Variants in CCDC33 observed in about 807,000 individuals in gnomAD.
The protein encoded by CCDC33 is coiled-coil domain containing 33.
Under a neutral mutation model 91.9 loss-of-function variants are expected in CCDC33, and 94 were observed. The observed-to-expected ratio is 1.02, with a 90% confidence interval of 0.87 to 1.21. The LOEUF is 1.21. Among genes scored for constraint, CCDC33 ranks in the 50% most tolerant of loss-of-function variants. The pLI, the probability that CCDC33 is intolerant of heterozygous loss-of-function variation, is 0.00. For synonymous variants in CCDC33, 396 were observed against 374.5 expected, an observed-to-expected ratio of 1.06 and a Z score of -0.66; for missense variants, 940 against 935.5, an observed-to-expected ratio of 1.00 and a Z score of -0.06.
At chr15:74,210,339 G>T (rs2074349487) in intron 2 of CCDC33, among the ~76,000 whole-genome samples, 1 of 152,204 alleles carries the variant, frequency 6.6e-6, no homozygotes, top group African/African-American at 2.4e-5. Context: ...GTACTATTTT[G>T]CTGATAAAAA....
At chr15:74,305,282 T>C (rs1426575891) in intron 11 of CCDC33, among the ~76,000 whole-genome samples, 1 of 152,156 alleles carries the variant, frequency 6.6e-6, no homozygotes, top group Non-Finnish European at 1.5e-5. Context: ...AGCTTAAATC[T>C]ACACTTCTAA....
rs3223095 is a variant in CCDC33, at chr15:74,283,794, T to TCACA, written c.1095+1967_1095+1970dup. Reference sequence around the variant, plus strand: ...AAATTCAGATTCTGCAGCCAAGAATTCACACACACACACACACACACACAC... The same window carrying TCACA: ...AAATTCAGATTCTGCAGCCAAGAATTCACACACACACACACACACACACACACAC... On this transcript the variant is annotated intron_variant, in intron 10 of 18. Coordinates refer to ENST00000398814, the MANE Select transcript of CCDC33 (RefSeq NM_025055.5). Among the ~76,000 whole-genome samples the TCACA allele has an allele frequency of 2.4e-3, 348 of 146,314 alleles. 2 individuals carry two copies. The highest frequency in any genetic ancestry group is 6.9e-3 in the Middle Eastern group (2 of 288).
At chr15:74,225,115 GGCGTGT>G (rs1340850323) in intron 2 of CCDC33, among the ~76,000 whole-genome samples, 1 of 117,112 alleles carries the variant, frequency 8.5e-6, no homozygotes, top group African/African-American at 3.7e-5. Context: ...ACCTCCTGGA[GGCGTGT>G]GTGTGTGTGT....
chr15:74,285,317 C>T (rs2059451603), intron 10 of CCDC33, among the ~76,000 whole-genome samples: 1 of 152,208 alleles, frequency 6.6e-6, no homozygotes, highest in Non-Finnish European at 1.5e-5. Flanking sequence ...TCAGAGCTTT[C>T]AGAAGCAGCA....
At chr15:74,275,907 G>T (rs535116852) in intron 7 of CCDC33, among the ~76,000 whole-genome samples, 1 of 152,310 alleles carries the variant, frequency 6.6e-6, no homozygotes, top group South Asian at 2.1e-4. Flanking sequence ...GACCTCTGGC[G>T]ATACGCCCAC....
At position 74,309,639 on chromosome 15, in the gene CCDC33, A is replaced by G. The variant is rs368573639; in HGVS notation, c.1290+13691A>G. On this transcript the variant is annotated intron_variant, in intron 11 of 18. Transcript: ENST00000398814. ...TTTTTTCCTACAGTGGGGAGTGAAG[A>G]GTACAGTGTAGGAGAGTGCAGAGGG... is the stretch of plus-strand genomic sequence containing the variant. 2.6e-4 allele frequency among the ~76,000 whole-genome samples: 39 copies of G among 152,202 alleles called. 1 individual carries two copies. In the East Asian group the frequency reaches 3.1e-3, roughly 12 times the overall value.
chr15:74,333,483 G>A (rs1255427433), intron 16 of CCDC33, among the ~76,000 whole-genome samples: 6 of 152,186 alleles, frequency 3.9e-5, no homozygotes, highest in South Asian at 2.1e-4. Flanking sequence ...CCCAGGACTC[G>A]CCGGAGGTGA....
At position 74,280,666 on chromosome 15, in the gene CCDC33, A is replaced by G. The variant is rs1317393493; in HGVS notation, c.890-2A>G. On this transcript the variant is annotated splice_acceptor_variant, in intron 8 of 18. Coordinates refer to ENST00000398814, the MANE Select transcript of CCDC33 (RefSeq NM_025055.5). LOFTEE classifies it high-confidence loss of function. ...GAGCCCTAGTTGATCCTTCCCCCAC[A>G]GTGAAAGGCAGCCAGCCGTGGACCC... 6.8e-7 allele frequency: 1 copy of G among 1,473,982 alleles called. No homozygotes were observed. The highest frequency in any genetic ancestry group is 2.4e-5 in the Admixed American group (1 of 41,214). 91.3% of individuals were successfully genotyped at this position (1,473,982 alleles called of 1,614,324 possible).
In CCDC33 at chr15:74,331,022, C is replaced by A. The variant is rs201754891; in HGVS notation, c.1587C>A (p.Ala529=). Reference sequence around the variant, plus strand: ...AGGAGCTGCTCCTTCTGTATCAGGCCCAGCAGCCACAGGCCGCTCTGCTGA... The same window carrying A: ...AGGAGCTGCTCCTTCTGTATCAGGCACAGCAGCCACAGGCCGCTCTGCTGA... ...REKELLLLYQ[A]QQPQAALLKQ... is the part of the protein sequence containing the mutation. The change falls in exon 14 of 19, where the codon GCC becomes GCA. Residue 529 remains alanine (A), a synonymous_variant. Transcript: ENST00000398814. The A allele has an allele frequency of 8.0e-5, 129 of 1,610,362 alleles. 1 individual carries two copies. The East Asian group carries it at 2.7e-3, about 34-fold the overall frequency.
rs565173407 is a variant in CCDC33, at chr15:74,268,687, C to A, written c.546+229C>A. 1.7e-4 allele frequency among the ~76,000 whole-genome samples: 26 copies of A among 152,360 alleles called. No individual in the cohort carries two copies. The South Asian group carries it at 5.2e-3, about 30-fold the overall frequency. ...GAAGATGCTCAAGCCTCTTCTCCTT[C>A]CCTCTCTGTCTTGGAGGTGGCGGGG... On this transcript the variant is annotated intron_variant, in intron 5 of 18. Coordinates refer to ENST00000398814, the MANE Select transcript of CCDC33 (RefSeq NM_025055.5).
At chr15:74,233,279 A>G (rs2075042673), upstream of CCDC33, among the ~76,000 whole-genome samples, 1 of 152,138 alleles carries the variant, frequency 6.6e-6, no homozygotes, top group African/African-American at 2.4e-5. Context: ...CCCTCCTTTG[A>G]TTATTTTGAC....
chr15:74,243,934 G>C (rs1332685209), intron 1 of CCDC33, 51 bp from the exon 2 acceptor site: 1 of 1,504,330 alleles, frequency 6.6e-7, no homozygotes, highest in African/African-American at 1.6e-5. Flanking sequence ...AACAGAGCAA[G>C]ACTCTGTCTC....
chr15:74,312,172 G>A (rs1476769630), intron 11 of CCDC33, among the ~76,000 whole-genome samples: 4 of 152,196 alleles, frequency 2.6e-5, no homozygotes. Flanking sequence ...CCCAGCTTAT[G>A]TTCCCCTTGT....
At chr15:74,304,522 G>C (rs77305318) in intron 11 of CCDC33, 1 of 152,360 alleles carries the variant, frequency 6.6e-6, no homozygotes, top group East Asian at 1.9e-4. Flanking sequence ...CTGGGATGCA[G>C]CAGATATTTA....
intron 1 of CCDC33, chr15:74,203,140 A>G (rs1354468847): frequency 9.1e-6 from 9 of 985,440 alleles, no homozygotes; most frequent in Non-Finnish European, 1.1e-5. Context: ...GGAGGCAGGG[A>G]AGGGGAATCT....
chr15:74,265,200 G>A (rs1020520514), intron 3 of CCDC33, among the ~76,000 whole-genome samples: 1 of 152,038 alleles, frequency 6.6e-6, no homozygotes, highest in Non-Finnish European at 1.5e-5. Flanking sequence ...TGAGCCCGCT[G>A]AACCTGCTGA....
rs1436547225 is a variant in CCDC33 at position 74,230,468 on chromosome 15, CA to C, written c.675+11609del. On this transcript the variant is annotated intron_variant, in intron 2 of 2. Transcript: ENST00000635913. ...TTTTCAAAAGAAAAATGCCCAAAAG[CA>C]ACGTTGCATCTTTAGCAAAGTGATT... is the stretch of plus-strand genomic sequence containing the variant. Among the ~76,000 whole-genome samples, 6 of 152,282 alleles carry C rather than the reference CA, an allele frequency of 3.9e-5. No individual in the cohort carries two copies. The East Asian group carries it at 1.2e-3, about 29-fold the overall frequency.
chr15:74,308,382 C>CACACACACAG (rs1317412535), intron 11 of CCDC33, among the ~76,000 whole-genome samples: 1 of 151,994 alleles, frequency 6.6e-6, no homozygotes, highest in Non-Finnish European at 1.5e-5. Context: ...CACACACACA[C>CACACACACAG]ACACATTTGG....
At chr15:74,329,462 G>A (rs907366433) in intron 11 of CCDC33, among the ~76,000 whole-genome samples, 6 of 152,144 alleles carry the variant, frequency 3.9e-5, no homozygotes, top group Non-Finnish European at 7.4e-5. Context: ...ACCTATCCAC[G>A]CAGGTCTGAT....
Sources: allele counts gnomAD v4.1 joint callset (sites outside exome capture counted in the v4.1 genomes callset), GRCh38; gene constraint gnomAD v4.1.1; transcripts MANE v1.5; gene names NCBI Gene and HGNC (gene_info 2026-07-23, HGNC 2026-07-21).